Variants in HPS5 observed in about 807,000 individuals in gnomAD.
HPS5 encodes HPS5 biogenesis of lysosomal organelles complex 2 subunit 2, also known as BLOC-2 complex member HPS5.
HPS5 carries 83 observed loss-of-function variants against 128.0 expected under a neutral mutation model. The observed-to-expected ratio is 0.65, with a 90% CI of 0.54 to 0.78. The LOEUF (loss-of-function observed/expected upper bound fraction) is 0.78. Among genes scored for constraint, HPS5 ranks in the 30% least tolerant of loss-of-function variants. The pLI, the probability that HPS5 is intolerant of heterozygous loss-of-function variation, is 0.00. For synonymous variants in HPS5, 475 were observed against 470.2 expected (o/e 1.01, Z -0.13); for missense variants, 1,281 against 1,326.2 (o/e 0.97, Z 0.53).
chr11:18,297,012 A>T, intron 11 of HPS5, 28 bp from the exon 12 acceptor site: 1 of 1,452,842 alleles, frequency 6.9e-7, no homozygotes, highest in Non-Finnish European at 9.6e-7. Flanking sequence ...TCAAAAAAAA[A>T]AAAAGGTAAA....
intron 1 of HPS5, among the ~76,000 whole-genome samples, chr11:18,319,255 CCACACACACACACA>C (rs10531816): frequency 7.2e-4 from 100 of 139,214 alleles, no homozygotes; most frequent in African/African-American, 1.9e-3. Context: ...AAGACAAATA[CCACACACACACACA>C]CACACACACA....
chr11:18,295,650 C>CT (rs1470675653), intron 13 of HPS5, among the ~76,000 whole-genome samples: 1 of 152,188 alleles, frequency 6.6e-6, no homozygotes, highest in Non-Finnish European at 1.5e-5. Context: ...CATGGAGTAG[C>CT]TAGAAAAGAA....
At chr11:18,321,165 A>C (rs975013505) in intron 1 of HPS5, among the ~76,000 whole-genome samples, 1 of 152,220 alleles carries the variant, frequency 6.6e-6, no homozygotes, top group Non-Finnish European at 1.5e-5. Context: ...AAATATATAC[A>C]TAATATTGTA....
At chr11:18,294,846 C>CA (rs987691877) in intron 14 of HPS5, among the ~76,000 whole-genome samples, 174 bp downstream of exon 14, 5 of 151,588 alleles carry the variant, frequency 3.3e-5, no homozygotes, top group South Asian at 2.1e-4. Flanking sequence ...AAAAAAATCA[C>CA]AAAAAAACTC....
intron 2 of HPS5, among the ~76,000 whole-genome samples, chr11:18,316,511 G>A (rs139523261): frequency 6.6e-4 from 101 of 152,284 alleles, no homozygotes; most frequent in African/African-American, 2.4e-3. Flanking sequence ...GGGGAAAAAT[G>A]AAGCAAGTCA....
chr11:18,283,699 A>G, intron 21 of HPS5, 96 bp downstream of exon 21: 1 of 795,176 alleles, frequency 1.3e-6, no homozygotes, highest in Non-Finnish European at 2.2e-6. Flanking sequence ...TATTAAATAT[A>G]TGATCATTGA....
chr11:18,316,374 T>C (rs900347060), intron 2 of HPS5, among the ~76,000 whole-genome samples: 70 of 152,318 alleles, frequency 4.6e-4, no homozygotes, highest in African/African-American at 1.6e-3. Flanking sequence ...TAGTAGCTGA[T>C]TTTTAGCAAA....
chr11:18,297,301 G>A (rs944168246), intron 11 of HPS5, among the ~76,000 whole-genome samples: 2 of 152,158 alleles, frequency 1.3e-5, no homozygotes, highest in Admixed American at 1.3e-4. Context: ...TTAGAGCAAC[G>A]TAACTTATGC....
chr11:18,305,429 G>A lies in HPS5; in HGVS notation c.889C>T (p.His297Tyr), dbSNP rs766592493. 7.5e-6 allele frequency: 12 copies of A among 1,599,068 alleles called. No homozygotes were observed. Among genetic ancestry groups the A allele is most frequent in the Admixed American group, 1.7e-5 (1 of 59,984 alleles). The change falls in exon 8 of 23, where the codon CAT (histidine) becomes TAT (tyrosine). Residue 297 changes from histidine (H) to tyrosine (Y), a missense_variant. Transcript: ENST00000349215. ...AGGAAAGTAGAAACTTACCTAAGAT[G>A]TAAGAGTTTGGGGAAAGACAAAGAC... ...SQSLSFPKLL[H>Y]LSEHCVLTWT...
In HPS5 at chr11:18,295,296, T is replaced by C. The variant is rs186530056; in HGVS notation, c.1635-127A>G. On this transcript the variant is annotated intron_variant, in intron 13 of 22. Transcript: ENST00000349215. ...CAACTTGGACTTAGTAAAGACTGTTTATAGCAACTTCTCTGTTCAAATAAT... is the reference window on the plus strand; with the variant it reads ...CAACTTGGACTTAGTAAAGACTGTTCATAGCAACTTCTCTGTTCAAATAAT... 30 of 745,094 alleles carry C rather than the reference T, an allele frequency of 4.0e-5. No homozygotes were observed. In the African/African-American group the frequency reaches 4.9e-4, roughly 12 times the overall value. The allele number at this position is 745,094 out of a possible 1,614,324, so 46.2% of individuals were successfully genotyped here. A position where few individuals can be genotyped will look rare whatever the true frequency, so the allele number is the denominator to read the frequency against.
At position 18,279,037 on chromosome 11, in the gene HPS5, A is replaced by T. The variant is rs1349718868; in HGVS notation, c.*845T>A. 6.6e-6 allele frequency: 1 copy of T among 152,246 alleles called. No individual in the cohort carries two copies. The highest frequency in any genetic ancestry group is 6.5e-5 in the Admixed American group (1 of 15,286). The allele number at this position is 152,246 out of a possible 1,614,324, so 9.4% of individuals were successfully genotyped here. ...TCAGATTAGAAAATATTAAATAAATACAGGGAAAAATATTTTTAATTAGCT... is the reference window on the plus strand; with the variant it reads ...TCAGATTAGAAAATATTAAATAAATTCAGGGAAAAATATTTTTAATTAGCT... On this transcript the variant is annotated 3_prime_UTR_variant, in exon 23 of 23. Transcript: ENST00000349215.
chr11:18,306,869 CAT>C (rs1862431921), intron 6 of HPS5, among the ~76,000 whole-genome samples: 1 of 152,172 alleles, frequency 6.6e-6, no homozygotes, highest in African/African-American at 2.4e-5. Flanking sequence ...CTTAGGATTA[CAT>C]GAGTTAGATA....
Position 18,287,933 on chromosome 11 carries a change from C to G in HPS5, c.2521G>C (p.Val841Leu). 6.2e-7 allele frequency: 1 copy of G among 1,614,052 alleles called. No individual in the cohort carries two copies. The highest frequency in any genetic ancestry group is 8.5e-7 in the Non-Finnish European group (1 of 1,179,992). The change falls in exon 17 of 23, where the codon GTT (valine) becomes CTT (leucine). Residue 841 changes from valine (V) to leucine (L), a missense_variant. Transcript: ENST00000349215. ...ACCAACAACGGACTATCAAAAGGAA[C>G]CTCGTCATCTAGTAACTTTAACCTT... is the stretch of plus-strand genomic sequence containing the variant. ...PTRLKLLDDE[V>L]PFDSPLLVVY...
At chr11:18,316,966 G>C (rs867756852) in intron 2 of HPS5, among the ~76,000 whole-genome samples, 2 of 152,012 alleles carry the variant, frequency 1.3e-5, no homozygotes, top group African/African-American at 4.8e-5. Flanking sequence ...AGGCCGAGGC[G>C]GGCAGATCAC....
chr11:18,320,620 T>C (rs1473364939), intron 1 of HPS5, among the ~76,000 whole-genome samples: 1 of 152,212 alleles, frequency 6.6e-6, no homozygotes, highest in Non-Finnish European at 1.5e-5. Flanking sequence ...TCAGGTCTTC[T>C]AAAAATTTAA....
intron 13 of HPS5, among the ~76,000 whole-genome samples, chr11:18,295,720 T>G (rs1164047213): frequency 6.6e-6 from 1 of 152,220 alleles, no homozygotes; most frequent in African/African-American, 2.4e-5. Context: ...AGCTAAAGAC[T>G]AATGATACGT....
At chr11:18,303,561 G>C (rs1265415775) in intron 8 of HPS5, among the ~76,000 whole-genome samples, 1 of 152,214 alleles carries the variant, frequency 6.6e-6, no homozygotes, top group Non-Finnish European at 1.5e-5. Flanking sequence ...TACCAGGAGA[G>C]CTAAGTGTAT....
At chr11:18,317,380 C>T (rs558411877) in intron 2 of HPS5, among the ~76,000 whole-genome samples, 3 of 151,950 alleles carry the variant, frequency 2.0e-5, no homozygotes, top group South Asian at 2.1e-4. Flanking sequence ...CTCAGCCTCC[C>T]GAGTACCTGG....
Position 18,291,442 on chromosome 11 carries a change from C to G in HPS5, c.2440G>C (p.Glu814Gln). ...VWDTFIEGLK[E>Q]MASSNPVYME... ...TTTGATAAGGCAATCTGAGTATTAC[C>G]TTTCAATCCTTCAATAAAAGTATCC... The change falls in exon 16 of 23, where the codon GAA becomes CAA. Residue 814 changes from glutamate (E) to glutamine (Q), a missense_variant and splice_region_variant. By Grantham distance (29) the Glu-to-Gln change is conservative (BLOSUM62 2). Coordinates refer to ENST00000349215, the MANE Select transcript of HPS5 (RefSeq NM_181507.2). 1 of 1,576,122 alleles carries G rather than the reference C, an allele frequency of 6.3e-7. No homozygotes were observed. Among genetic ancestry groups the G allele is most frequent in the Non-Finnish European group, 8.7e-7 (1 of 1,145,974 alleles).
Sources: gnomAD v4.1 joint callset for allele counts (sites outside exome capture counted in the v4.1 genomes callset) on GRCh38, gnomAD v4.1.1 for gene constraint, MANE v1.5 for transcripts, NCBI Gene and HGNC (gene_info 2026-07-23, HGNC 2026-07-21) for gene names.